KIAA1217: variants seen among roughly 807,000 people sequenced by gnomAD.
KIAA1217 encodes the protein KIAA1217.
A neutral mutation model predicts 163.9 loss-of-function variants in KIAA1217; 88 were observed. That is an observed-to-expected ratio of 0.54 (90% CI 0.45 to 0.64). The LOEUF (loss-of-function observed/expected upper bound fraction) is 0.64, where lower values mean the gene tolerates loss of function less well. Among genes scored for constraint, KIAA1217 ranks in the 30% least tolerant of loss-of-function variants. The pLI, the probability that KIAA1217 is intolerant of heterozygous loss-of-function variation, is 0.00. For synonymous variants in KIAA1217, 903 were observed against 923.1 expected (o/e 0.98, Z 0.39); for missense variants, 2,372 against 2,475.0 (o/e 0.96, Z 0.88).
chr10:24,365,578 C>A (rs1199531522), intron 2 of KIAA1217, among the ~76,000 whole-genome samples: 1 of 152,162 alleles, frequency 6.6e-6, no homozygotes, highest in Admixed American at 6.5e-5. Context: ...CCCTAAGCAA[C>A]CCTCACCTTT....
chr10:24,163,663 C>T lies in KIAA1217; in HGVS notation c.-170-55963C>T, dbSNP rs533666008. ...TTTAAAGTGTAGTACACATATTCTA[C>T]ATATGCAAGTGAATTCATCTGTAAA... On this transcript the variant is annotated intron_variant, in intron 2 of 18. Transcript: ENST00000376462. 2.6e-5 allele frequency among the ~76,000 whole-genome samples: 4 copies of T among 152,340 alleles called. No individual in the cohort carries two copies. The East Asian group carries it at 7.7e-4, about 29-fold the overall frequency.
chr10:23,711,771 C>T (rs1837272236), intron 1 of KIAA1217, among the ~76,000 whole-genome samples: 2 of 152,116 alleles, frequency 1.3e-5, no homozygotes, highest in Admixed American at 1.3e-4. Flanking sequence ...AACCACCTTC[C>T]TCTCCTGGGG....
chr10:23,843,294 G>T (rs915587075), intron 1 of KIAA1217, among the ~76,000 whole-genome samples: 1 of 152,084 alleles, frequency 6.6e-6, no homozygotes, highest in African/African-American at 2.4e-5. Context: ...AGATCAACTC[G>T]AAATAGTCCT....
intron 3 of KIAA1217, among the ~76,000 whole-genome samples, chr10:24,391,133 G>T (rs2054870135): frequency 1.3e-5 from 2 of 152,144 alleles, no homozygotes; most frequent in East Asian, 3.9e-4. Context: ...TATCTTCTAG[G>T]ATTACTTTGC....
chr10:23,974,898 T>C (rs1479941757), intron 1 of KIAA1217, among the ~76,000 whole-genome samples: 1 of 150,654 alleles, frequency 6.6e-6, no homozygotes, highest in Non-Finnish European at 1.5e-5. Context: ...CCCCCATAGA[T>C]AGGCATCTGC....
intron 1 of KIAA1217, among the ~76,000 whole-genome samples, chr10:23,958,969 T>C (rs1844694119): frequency 6.7e-6 from 1 of 149,350 alleles, no homozygotes; most frequent in African/African-American, 2.5e-5. Context: ...GGGTGTCTCA[T>C]CCACTACCGA....
chr10:24,357,351 A>T (rs2049241737), intron 2 of KIAA1217, among the ~76,000 whole-genome samples: 2 of 152,314 alleles, frequency 1.3e-5, no homozygotes, highest in East Asian at 3.9e-4. Context: ...TGCATTCTGG[A>T]CTAGCTTCAA....
rs547339957 is a variant in KIAA1217 at position 23,972,144 on chromosome 10, T to A, written c.-320-35081T>A. ...CTGTGGCTGTGTCATGGGCCATTGG[T>A]CACTCATATTTAACTCATAATTAAT... is the stretch of plus-strand genomic sequence containing the variant. On this transcript the variant is annotated intron_variant, in intron 1 of 18. Coordinates refer to the KIAA1217 transcript ENST00000376462. 1.2e-4 allele frequency among the ~76,000 whole-genome samples: 19 copies of A among 152,324 alleles called. No individual in the cohort carries two copies. In the South Asian group the frequency reaches 3.3e-3, roughly 27 times the overall value.
chr10:23,917,370 AT>A (rs1842672498), intron 1 of KIAA1217, among the ~76,000 whole-genome samples: 1 of 152,152 alleles, frequency 6.6e-6, no homozygotes, highest in African/African-American at 2.4e-5. Flanking sequence ...AGACAAGGGG[AT>A]ACTCAGGTTC....
At chr10:24,389,613 C>G (rs976639682) in intron 3 of KIAA1217, among the ~76,000 whole-genome samples, 3 of 152,030 alleles carry the variant, frequency 2.0e-5, no homozygotes, top group African/African-American at 7.2e-5. Context: ...TCAGAGCATT[C>G]TCTCTAGCAT....
At chr10:24,384,963 C>A (rs2053820266) in intron 3 of KIAA1217, among the ~76,000 whole-genome samples, 1 of 152,196 alleles carries the variant, frequency 6.6e-6, no homozygotes, top group African/African-American at 2.4e-5. Flanking sequence ...TCATGTAACC[C>A]CAGGAGCATC....
chr10:24,436,308 T>C (rs914741360), intron 4 of KIAA1217, among the ~76,000 whole-genome samples: 1 of 152,212 alleles, frequency 6.6e-6, no homozygotes, highest in African/African-American at 2.4e-5. Context: ...ATGTAGACAA[T>C]GTTTTATTTG....
At chr10:23,963,155 G>A (rs1035144134) in intron 1 of KIAA1217, among the ~76,000 whole-genome samples, 13 of 152,114 alleles carry the variant, frequency 8.5e-5, no homozygotes, top group Non-Finnish European at 1.5e-4. Context: ...TGGGATACGT[G>A]TGCAGAACGT....
chr10:24,085,114 C>T (rs1425398367), intron 2 of KIAA1217, among the ~76,000 whole-genome samples: 1 of 151,998 alleles, frequency 6.6e-6, no homozygotes, highest in Admixed American at 6.5e-5. Context: ...CGGCGTTTCA[C>T]CGTGTTAGCC....
chr10:24,498,626 C>A (rs2067124332), intron 8 of KIAA1217, among the ~76,000 whole-genome samples: 1 of 152,078 alleles, frequency 6.6e-6, no homozygotes, highest in African/African-American at 2.4e-5. Context: ...CAAGACCACC[C>A]TGGGCAACAT....
chr10:24,379,616 C>G (rs1465838617), intron 2 of KIAA1217, among the ~76,000 whole-genome samples: 1 of 152,132 alleles, frequency 6.6e-6, no homozygotes, highest in African/African-American at 2.4e-5. Context: ...TCGTCTTGTA[C>G]TTTTAGCAAG....
At chr10:24,386,856 G>A (rs1372355465) in intron 3 of KIAA1217, among the ~76,000 whole-genome samples, 1 of 152,172 alleles carries the variant, frequency 6.6e-6, no homozygotes, top group African/African-American at 2.4e-5. Context: ...TGGGATTACA[G>A]GCATGGGCCA....
chr10:23,921,456 C>T (rs1465952726), intron 1 of KIAA1217, among the ~76,000 whole-genome samples: 1 of 152,164 alleles, frequency 6.6e-6, no homozygotes, highest in Non-Finnish European at 1.5e-5. Flanking sequence ...ACTTCCTTCT[C>T]TCATGGTTGG....
intron 1 of KIAA1217, among the ~76,000 whole-genome samples, chr10:23,893,392 A>T (rs1006143655): frequency 1.3e-5 from 2 of 151,288 alleles, no homozygotes; most frequent in Admixed American, 6.6e-5. Context: ...TTTCTTCTTT[A>T]TTAGTCTTGC....
Sources: gnomAD v4.1 joint callset for allele counts (sites outside exome capture counted in the v4.1 genomes callset) on GRCh38, gnomAD v4.1.1 for gene constraint, MANE v1.5 for transcripts, NCBI Gene and HGNC (gene_info 2026-07-23, HGNC 2026-07-21) for gene names.